LRP2: variants seen among roughly 807,000 people sequenced by gnomAD.
The protein encoded by LRP2 is low-density lipoprotein receptor-related protein 2.
A neutral mutation model predicts 531.0 loss-of-function variants in LRP2; 172 were observed. That is an observed-to-expected ratio of 0.32 (90% CI 0.29 to 0.37). The LOEUF (loss-of-function observed/expected upper bound fraction) is 0.37, where lower values mean the gene tolerates loss of function less well. LRP2 is among the 10% of genes least tolerant of loss of function. The pLI, the probability that LRP2 is intolerant of heterozygous loss-of-function variation, is 1.00. For synonymous variants in LRP2, 1,992 were observed against 2,027.6 expected (o/e 0.98, Z 0.47); for missense variants, 5,167 against 5,868.3 (o/e 0.88, Z 3.90).
At chr2:169,233,939 G>C (rs943057226) in intron 29 of LRP2, among the ~76,000 whole-genome samples, 1 of 152,078 alleles carries the variant, frequency 6.6e-6, no homozygotes, top group Admixed American at 6.6e-5. Flanking sequence ...AGAGAGCTTA[G>C]AGACTCCTCA....
Position 169,244,878 on chromosome 2 carries a change from G to T in LRP2, c.3245C>A (p.Ala1082Glu). Reference protein sequence around the residue: ...FTCGHGECIPAHWRCDKRNDC... With the variant: ...FTCGHGECIPEHWRCDKRNDC... ...GTTGCGTTTGTCACAGCGCCAGTGT[G>T]CAGGAATGCACTCCCCATGGCCACA... Residue 1082 changes from alanine to glutamate, a missense_variant, in exon 22 of 79, where the codon GCA becomes GAA. Ala to Glu is a moderately radical substitution (Grantham distance 107, BLOSUM62 -1). Coordinates refer to ENST00000649046, the MANE Select transcript of LRP2 (RefSeq NM_004525.3). 6.2e-7 allele frequency: 1 copy of T among 1,614,262 alleles called. No homozygotes were observed. Among genetic ancestry groups the T allele is most frequent in the Non-Finnish European group, 8.5e-7 (1 of 1,180,042 alleles).
intron 46 of LRP2, among the ~76,000 whole-genome samples, 192 bp from the exon 47 acceptor site, chr2:169,194,084 C>T (rs1687922649): frequency 6.6e-6 from 1 of 152,158 alleles, no homozygotes; most frequent in Admixed American, 6.5e-5. Flanking sequence ...AGTCAACTGA[C>T]AGTGCAAAGC....
intron 36 of LRP2, 95 bp from the exon 37 acceptor site, chr2:169,212,302 T>G: frequency 6.7e-7 from 1 of 1,488,968 alleles, no homozygotes; most frequent in Non-Finnish European, 9.3e-7. Context: ...TAATTTATTC[T>G]AAAAATTAAT....
In LRP2 at chr2:169,146,883, G is replaced by C. The variant is rs1279751916; in HGVS notation, c.12667C>G (p.Leu4223Val). 6.2e-7 allele frequency: 1 copy of C among 1,614,126 alleles called. No homozygotes were observed. The highest frequency in any genetic ancestry group is 8.5e-7 in the Non-Finnish European group (1 of 1,180,020). Residue 4223 changes from leucine to valine, a missense_variant, in exon 69 of 79, where the codon CTG becomes GTG. By Grantham distance (32) the Leu-to-Val change is conservative. Transcript: ENST00000649046. ...AWMNGEDRNI[L>V]VFEDLGWPTG... is the part of the protein sequence containing the mutation. ...GGCCAACCAAGGTCCTCGAAAACCA[G>C]GATGTTGCGGTCCTCTCCATTCATC...
intron 4 of LRP2, among the ~76,000 whole-genome samples, chr2:169,298,193 A>AATC (rs3083159): frequency 0.03 from 4,578 of 150,494 alleles, 79 homozygotes; most frequent in African/African-American, 0.035. Context: ...TTAAACAAGC[A>AATC]ATCATCATCA....
chr2:169,304,550 A>C (rs1304677606), intron 4 of LRP2, among the ~76,000 whole-genome samples: 2 of 152,106 alleles, frequency 1.3e-5, no homozygotes, highest in African/African-American at 4.8e-5. Context: ...TATCTTCTTC[A>C]TTTGCCTAAA....
Position 169,282,866 on chromosome 2 carries a change from T to A in LRP2, c.1171+7A>T, listed in dbSNP as rs1252188237. On this transcript the variant is annotated splice_region_variant and intron_variant, in intron 10 of 78. Transcript: ENST00000649046. ...TTCAGAGACACAGGTGTCCATAATTTACTCACAGGAATCATTAGCTTTGCA... is the reference window on the plus strand; with the variant it reads ...TTCAGAGACACAGGTGTCCATAATTAACTCACAGGAATCATTAGCTTTGCA... 1 of 1,613,648 alleles carries A rather than the reference T, an allele frequency of 6.2e-7. No individual in the cohort carries two copies. The highest frequency in any genetic ancestry group is 1.7e-5 in the Admixed American group (1 of 60,016).
chr2:169,157,934 A>AAATG (rs1686396946), intron 63 of LRP2, among the ~76,000 whole-genome samples: 3 of 144,566 alleles, frequency 2.1e-5, no homozygotes, highest in Admixed American at 6.9e-5. Flanking sequence ...ATAAATAAAT[A>AAATG]AATAAATAAA....
intron 40 of LRP2, 95 bp downstream of exon 40, chr2:169,205,928 C>T: frequency 2.7e-6 from 4 of 1,468,490 alleles, no homozygotes; most frequent in Non-Finnish European, 3.8e-6. Flanking sequence ...GTTTTATAAG[C>T]CCATAACACA....
In LRP2 at chr2:169,169,834, T is replaced by G; in HGVS notation, c.11381-16A>C. ...GTCCTCATCTCTGAAGAGAAAAGAT[T>G]GTCATTCCGAGAAGGCCTTGTCATT... On this transcript the variant is annotated splice_polypyrimidine_tract_variant and intron_variant, in intron 59 of 78. Coordinates refer to ENST00000649046, the MANE Select transcript of LRP2 (RefSeq NM_004525.3). 3 of 1,560,242 alleles carry G rather than the reference T, an allele frequency of 1.9e-6. No individual in the cohort carries two copies. The highest frequency in any genetic ancestry group is 2.7e-6 in the Non-Finnish European group (3 of 1,130,948).
At chr2:169,196,241 G>C (rs1356259858) in intron 46 of LRP2, among the ~76,000 whole-genome samples, 2 of 152,142 alleles carry the variant, frequency 1.3e-5, no homozygotes, top group African/African-American at 4.8e-5. Flanking sequence ...ACAGGCAACT[G>C]GCCACAGCCA....
chr2:169,278,937 G>A (rs1037634094), intron 12 of LRP2, among the ~76,000 whole-genome samples: 1 of 152,162 alleles, frequency 6.6e-6, no homozygotes, highest in Non-Finnish European at 1.5e-5. Flanking sequence ...AGAAAGTTCT[G>A]AAAGGAATAG....
At chr2:169,358,906 A>AG (rs1686067409) in intron 1 of LRP2, among the ~76,000 whole-genome samples, 2 of 151,064 alleles carry the variant, frequency 1.3e-5, no homozygotes, top group Admixed American at 6.6e-5. Flanking sequence ...CTCAAAAAAA[A>AG]AAAAAAAAAA....
At chr2:169,176,129 G>C (rs1267726651) in intron 54 of LRP2, among the ~76,000 whole-genome samples, 1 of 152,134 alleles carries the variant, frequency 6.6e-6, no homozygotes, top group Admixed American at 6.5e-5. Flanking sequence ...TATACACTCT[G>C]GCTCCAATAC....
rs573787423 is a variant in LRP2 at position 169,264,982 on chromosome 2, C to T, written c.2321-5765G>A. 1.1e-4 allele frequency among the ~76,000 whole-genome samples: 17 copies of T among 152,060 alleles called. No individual in the cohort carries two copies. The South Asian group carries it at 1.2e-3, about 11-fold the overall frequency. On this transcript the variant is annotated intron_variant, in intron 16 of 78. Coordinates refer to ENST00000649046, the MANE Select transcript of LRP2 (RefSeq NM_004525.3). ...GAGGATTATAGGAATACTGAAAGGG[C>T]GCCCTCAGCTCCCTTTCCTCTGCCC... is the stretch of plus-strand genomic sequence containing the variant.
intron 9 of LRP2, among the ~76,000 whole-genome samples, chr2:169,283,967 C>G (rs893528186): frequency 6.6e-6 from 1 of 152,152 alleles, no homozygotes; most frequent in Non-Finnish European, 1.5e-5. Context: ...TCCACGTCCA[C>G]TCTCCATCAT....
At chr2:169,261,520 T>G (rs1336964547) in intron 16 of LRP2, among the ~76,000 whole-genome samples, 4 of 103,530 alleles carry the variant, frequency 3.9e-5, no homozygotes, top group Non-Finnish European at 8.9e-5. Flanking sequence ...GTGTACTCAT[T>G]CAAAAAAAAA....
At chr2:169,316,134 C>A (rs537191278) in intron 3 of LRP2, among the ~76,000 whole-genome samples, 189 of 133,902 alleles carry the variant, frequency 1.4e-3, no homozygotes, top group African/African-American at 5.4e-3. Flanking sequence ...AGAGCAAGAC[C>A]CTGTCTCAAA....
rs751685415 is a variant in LRP2, at chr2:169,176,564, T to C, written c.10418A>G (p.Asn3473Ser). ...PIVSNPCGTN[N>S]GGCSHLCLIK... is the part of the protein sequence containing the mutation. ...GAGGCAGAGATGAGAACAGCCACCA[T>C]TGTTGGTACCACAGGGATTGCTCAC... Residue 3473 changes from asparagine to serine, a missense_variant, in exon 54 of 79, where the codon AAT (asparagine) becomes AGT (serine). Coordinates refer to ENST00000649046, the MANE Select transcript of LRP2 (RefSeq NM_004525.3). 3.1e-6 allele frequency: 5 copies of C among 1,614,178 alleles called. No individual in the cohort carries two copies. Among genetic ancestry groups the C allele is most frequent in the Non-Finnish European group, 2.5e-6 (3 of 1,180,028 alleles).
Sources: allele counts gnomAD v4.1 joint callset (sites outside exome capture counted in the v4.1 genomes callset), GRCh38; gene constraint gnomAD v4.1.1; transcripts MANE v1.5; gene names NCBI Gene and HGNC (gene_info 2026-07-23, HGNC 2026-07-21).